Variants in LRRC37A2 observed in about 807,000 individuals in gnomAD.
LRRC37A2 encodes leucine-rich repeat-containing protein 37A2.
In LRRC37A2, 9 loss-of-function variants were observed where a neutral mutation model predicts 68.8. The ratio of observed to expected loss-of-function variants is 0.13; its 90% CI spans 0.08 to 0.23. The LOEUF is 0.23. Ranked by LOEUF, LRRC37A2 falls within the 10% of genes least tolerant of loss-of-function variation. LRRC37A2 has a pLI of 1.00. For missense variants in LRRC37A2, 168 were observed against 950.4 expected, an observed-to-expected ratio of 0.18 and a Z score of 10.82; for synonymous variants, 63 against 367.6, an observed-to-expected ratio of 0.17 and a Z score of 9.48.
the LRRC37A2 span, among the ~76,000 whole-genome samples, chr17:47,043,345 C>T: frequency 6.6e-6 from 1 of 151,662 alleles, no homozygotes; most frequent in South Asian, 2.1e-4. Context: ...ATGCCAGGCA[C>T]GGGGATGACA....
the LRRC37A2 span, among the ~76,000 whole-genome samples, chr17:46,772,818 C>T: frequency 6.1e-5 from 8 of 130,180 alleles, no homozygotes; most frequent in Admixed American, 7.1e-4. Flanking sequence ...GATCCCTTTT[C>T]TTTCTGGCTG....
chr17:46,379,811 T>C, the LRRC37A2 span, among the ~76,000 whole-genome samples: 1 of 59,610 alleles, frequency 1.7e-5, no homozygotes, highest in East Asian at 2.7e-4. Context: ...AGAGTTTTTT[T>C]AATCATGAAG....
chr17:46,779,057 A>T, the LRRC37A2 span, among the ~76,000 whole-genome samples: 13 of 80,456 alleles, frequency 1.6e-4, no homozygotes, highest in East Asian at 1.6e-3. Flanking sequence ...ACCCCATCAC[A>T]CACACACACA....
the LRRC37A2 span, among the ~76,000 whole-genome samples, chr17:46,916,112 C>G: frequency 6.6e-6 from 1 of 152,292 alleles, no homozygotes. Flanking sequence ...GGTGTTCACC[C>G]CTCTCCAAGG....
the LRRC37A2 span, among the ~76,000 whole-genome samples, chr17:46,943,974 A>AG: frequency 1.3e-5 from 2 of 151,980 alleles, no homozygotes; most frequent in African/African-American, 2.4e-5. Flanking sequence ...ATCTAGGAAG[A>AG]GGGGGCTCTC....
the LRRC37A2 span, among the ~76,000 whole-genome samples, chr17:47,004,455 C>T: frequency 6.6e-6 from 1 of 152,252 alleles, no homozygotes; most frequent in Non-Finnish European, 1.5e-5. Flanking sequence ...CAGGGGCCAG[C>T]AGCAGGGGTG....
chr17:46,795,498 G>A, the LRRC37A2 span, among the ~76,000 whole-genome samples: 16 of 152,222 alleles, frequency 1.1e-4, no homozygotes, highest in Admixed American at 5.9e-4. Context: ...AGCCCCTGAC[G>A]CCCTGTCTAA....
At position 46,535,234 on chromosome 17, in the gene LRRC37A2, T is replaced by C. The variant is rs1393946717; in HGVS notation, c.2907-4942T>C. ...GAAGAGAAATTAGCTATTAATCTTATTGAGGATCCCTTGTATGTGATGAGT... is the reference window on the plus strand; with the variant it reads ...GAAGAGAAATTAGCTATTAATCTTACTGAGGATCCCTTGTATGTGATGAGT... On this transcript the variant is annotated intron_variant, in intron 6 of 14. Transcript: ENST00000576629. Among the ~76,000 whole-genome samples the C allele has an allele frequency of 1.7e-4, 25 of 148,854 alleles. 1 individual carries two copies. Among genetic ancestry groups the C allele is most frequent in the Non-Finnish European group, 2.9e-4 (20 of 67,870 alleles).
the LRRC37A2 span, among the ~76,000 whole-genome samples, chr17:46,884,722 G>A: frequency 6.6e-6 from 1 of 152,134 alleles, no homozygotes; most frequent in Non-Finnish European, 1.5e-5. Flanking sequence ...TGAGAAAACC[G>A]GGGCTCAGAG....
At chr17:46,773,967 G>C in the LRRC37A2 span, 6 of 1,583,508 alleles carry the variant, frequency 3.8e-6, no homozygotes, top group Non-Finnish European at 5.1e-6. Flanking sequence ...CCCATCCTGG[G>C]CACCATGGCC....
the LRRC37A2 span, among the ~76,000 whole-genome samples, chr17:47,000,047 ATAAAATAAAATAAAAT>A: frequency 2.0e-4 from 6 of 30,272 alleles, 1 homozygote; most frequent in Non-Finnish European, 3.6e-4. Flanking sequence ...ATAAAATAAA[ATAAAATAAAATAAAAT>A]TAAAATAAAA....
the LRRC37A2 span, chr17:46,721,524 C>T: frequency 2.4e-5 from 25 of 1,056,440 alleles, no homozygotes; most frequent in South Asian, 3.2e-4. Flanking sequence ...ACTGGGCTGA[C>T]TATACATTCT....
the LRRC37A2 span, among the ~76,000 whole-genome samples, chr17:46,870,501 G>C: frequency 1.3e-5 from 2 of 152,236 alleles, no homozygotes; most frequent in Non-Finnish European, 2.9e-5. Flanking sequence ...CCCTGTCTGG[G>C]AGAGGAGCCC....
the LRRC37A2 span, chr17:46,755,722 ATTTTTT>A: frequency 5.4e-5 from 56 of 1,045,564 alleles, no homozygotes; most frequent in South Asian, 3.0e-4. Context: ...GCTTTTAGTG[ATTTTTT>A]TTTTTTTTTT....
At chr17:46,500,499 T>C in the LRRC37A2 span, among the ~76,000 whole-genome samples, 48 of 150,012 alleles carry the variant, frequency 3.2e-4, 1 homozygote, top group African/African-American at 1.2e-3. Context: ...ATGATTTTTG[T>C]GGCACCTCCA....
At chr17:46,818,421 C>G in the LRRC37A2 span, 1 of 1,255,880 alleles carries the variant, frequency 8.0e-7, no homozygotes, top group Non-Finnish European at 1.1e-6. Context: ...AGGAGAGGAG[C>G]CCCAGCCCTG....
chr17:46,775,341 G>C, the LRRC37A2 span, among the ~76,000 whole-genome samples: 1 of 152,142 alleles, frequency 6.6e-6, no homozygotes, highest in Admixed American at 6.5e-5. Context: ...CTCCATACTT[G>C]AGCTTGATGT....
the LRRC37A2 span, among the ~76,000 whole-genome samples, chr17:46,959,222 A>C: frequency 3.3e-5 from 5 of 152,222 alleles, no homozygotes; most frequent in Non-Finnish European, 5.9e-5. Context: ...GGACAGACTG[A>C]CTGTGAGCTC....
At chr17:46,883,186 G>A in the LRRC37A2 span, among the ~76,000 whole-genome samples, 6 of 151,822 alleles carry the variant, frequency 4.0e-5, no homozygotes, top group African/African-American at 9.7e-5. Context: ...GTTTCACCAC[G>A]TTAGCCAGGA....
Sources: gnomAD v4.1 joint callset for allele counts (sites outside exome capture counted in the v4.1 genomes callset) on GRCh38, gnomAD v4.1.1 for gene constraint, MANE v1.5 for transcripts, NCBI Gene and HGNC (gene_info 2026-07-23, HGNC 2026-07-21) for gene names.